PECAM1: variants seen among roughly 807,000 people sequenced by gnomAD.
PECAM1 encodes platelet and endothelial cell adhesion molecule 1, also known as platelet endothelial cell adhesion molecule.
Under a neutral mutation model 13.8 loss-of-function variants are expected in PECAM1, and 8 were observed. That is an observed-to-expected ratio of 0.58 (90% confidence interval 0.34 to 1.05). PECAM1 has a LOEUF of 1.05. Among genes scored for constraint, PECAM1 ranks in the 50% least tolerant of loss-of-function variants. The pLI is 0.03. For missense variants in PECAM1, 304 were observed against 141.2 expected (o/e 2.15, Z -5.84); for synonymous variants, 136 against 52.6 (o/e 2.58, Z -6.86).
intron 2 of PECAM1, among the ~76,000 whole-genome samples, chr17:64,384,647 T>C (rs1455766183): frequency 6.6e-6 from 1 of 152,150 alleles, no homozygotes; most frequent in East Asian, 1.9e-4. Context: ...TGGAAGCAGA[T>C]TCCCCAGACT....
chr17:64,387,820 A>G (rs1309619654), intron 2 of PECAM1, among the ~76,000 whole-genome samples: 4 of 152,106 alleles, frequency 2.6e-5, no homozygotes, highest in Admixed American at 1.3e-4. Flanking sequence ...CTGGAGGGGA[A>G]CAAAGAGGCC....
Position 64,321,752 on chromosome 17 carries a change from C to A in PECAM1, c.*2064G>T, listed in dbSNP as rs1471664556. The A allele has an allele frequency of 1.6e-6, 2 of 1,265,452 alleles. No homozygotes were observed. The highest frequency in any genetic ancestry group is 1.5e-5 in the African/African-American group (1 of 66,006). 78.4% of individuals were successfully genotyped at this position (1,265,452 alleles called of 1,614,324 possible). On this transcript the variant is annotated 3_prime_UTR_variant, in exon 16 of 16. Coordinates refer to ENST00000563924, the MANE Select transcript of PECAM1 (RefSeq NM_000442.5). ...CTCCAGCCTGGGCAACAGAGCAAGC[C>A]CCTGTCTCAACAAAACAAAACAAAA...
rs1005002991 is a variant in PECAM1 at position 64,389,823 on chromosome 17, G to A, written c.91+666C>T. ...AGCACTTTGGGAGGTGGAGGCCAGC[G>A]GATCACCTGAGGTCAGGAGTTTGAG... On this transcript the variant is annotated intron_variant, in intron 2 of 15. Coordinates refer to ENST00000563924, the MANE Select transcript of PECAM1 (RefSeq NM_000442.5). 8.5e-5 allele frequency among the ~76,000 whole-genome samples: 13 copies of A among 152,226 alleles called. No homozygotes were observed. The East Asian group carries it at 1.5e-3, about 18-fold the overall frequency.
intron 10 of PECAM1, 107 bp downstream of exon 10, chr17:64,353,384 C>A: frequency 2.4e-6 from 1 of 411,808 alleles, no homozygotes; most frequent in South Asian, 1.3e-4. Context: ...CTATATTTTT[C>A]TAAGTTTGCC....
At chr17:64,328,714 T>C (rs1382460777) in intron 15 of PECAM1, among the ~76,000 whole-genome samples, 1 of 152,228 alleles carries the variant, frequency 6.6e-6, no homozygotes, top group African/African-American at 2.4e-5. Flanking sequence ...AGGGGCCCAC[T>C]GGAAGAGCTA....
intron 12 of PECAM1, 23 bp downstream of exon 12, chr17:64,350,357 A>G: frequency 2.4e-6 from 1 of 413,308 alleles, no homozygotes; most frequent in South Asian, 1.3e-4. Context: ...GGTTCTAATA[A>G]AAACATGTAA....
Position 64,377,925 on chromosome 17 carries a change from A to G in PECAM1, c.284T>C (p.Phe95Ser). The G allele has an allele frequency of 2.1e-6, 1 of 475,358 alleles. No individual in the cohort carries two copies. The highest frequency in any genetic ancestry group is 3.1e-5 in the East Asian group (1 of 32,038). 29.4% of individuals were successfully genotyped at this position (475,358 alleles called of 1,614,324 possible). A position where few individuals can be genotyped will look rare whatever the true frequency, so the allele number is the denominator to read the frequency against. Residue 95 changes from phenylalanine to serine, a missense_variant, in exon 3 of 16, where the codon TTT (phenylalanine) becomes TCT (serine). Coordinates refer to ENST00000563924, the MANE Select transcript of PECAM1 (RefSeq NM_000442.5). ...GTCATAGATCCGGACTTCAGGAATAAAATAACTCTCTGTGCTCTTCATGGA... is the reference window on the plus strand; with the variant it reads ...GTCATAGATCCGGACTTCAGGAATAGAATAACTCTCTGTGCTCTTCATGGA... Reference protein sequence around the residue: ...ISSMKSTESYFIPEVRIYDSG... With the variant: ...ISSMKSTESYSIPEVRIYDSG...
intron 14 of PECAM1, among the ~76,000 whole-genome samples, chr17:64,337,312 T>A (rs2035305890): frequency 6.6e-6 from 1 of 152,100 alleles, no homozygotes; most frequent in Non-Finnish European, 1.5e-5. Flanking sequence ...GGTGGTGCTG[T>A]GGGAGGGTCC....
Position 64,322,059 on chromosome 17 carries a change from A to T in PECAM1, c.*1757T>A. On this transcript the variant is annotated 3_prime_UTR_variant, in exon 16 of 16. Coordinates refer to ENST00000563924, the MANE Select transcript of PECAM1 (RefSeq NM_000442.5). The stretch of plus-strand genomic sequence containing the variant: ...GTGTGTGTTGGGGAAAGGAACCAAC[A>T]GCTTTCATCATATTGTCAAAAGAGT... The T allele has an allele frequency of 8.7e-7, 1 of 1,151,014 alleles. No homozygotes were observed. The highest frequency in any genetic ancestry group is 1.1e-6 in the Non-Finnish European group (1 of 914,682). 71.3% of individuals were successfully genotyped at this position (1,151,014 alleles called of 1,614,324 possible).
At chr17:64,326,117 G>T (rs533633557) in intron 15 of PECAM1, among the ~76,000 whole-genome samples, 1 of 152,162 alleles carries the variant, frequency 6.6e-6, no homozygotes, top group Non-Finnish European at 1.5e-5. Context: ...AGCCCTTGGA[G>T]GGAAAAAGAG....
chr17:64,325,178 G>C (rs1018556418), intron 15 of PECAM1, among the ~76,000 whole-genome samples: 4 of 150,948 alleles, frequency 2.6e-5, no homozygotes, highest in African/African-American at 9.8e-5. Flanking sequence ...CATGAGGTCA[G>C]GAGTTCAAGA....
At chr17:64,372,973 G>C (rs924463064) in intron 4 of PECAM1, among the ~76,000 whole-genome samples, 4 of 151,208 alleles carry the variant, frequency 2.6e-5, no homozygotes, top group Non-Finnish European at 4.4e-5. Context: ...AATTAGCCAG[G>C]CGTGGTGGCA....
intron 3 of PECAM1, chr17:64,377,613 AAAGAAAGG>A (rs1467211996): frequency 1.0e-5 from 1 of 95,968 alleles, no homozygotes; most frequent in Non-Finnish European, 1.7e-5. Context: ...TCCATCAAAG[AAAGAAAGG>A]AAGGAAGGAA....
intron 15 of PECAM1, among the ~76,000 whole-genome samples, chr17:64,327,088 TC>T: frequency 6.6e-6 from 1 of 152,316 alleles, no homozygotes; most frequent in Non-Finnish European, 1.5e-5. Context: ...AAGTGGGAAG[TC>T]AAGTGTTAAT....
intron 10 of PECAM1, among the ~76,000 whole-genome samples, chr17:64,352,812 G>A (rs1309097671): frequency 1.3e-5 from 2 of 151,920 alleles, no homozygotes; most frequent in African/African-American, 4.8e-5. Context: ...GCACCACCAC[G>A]CCCGGCTAAT....
chr17:64,360,784 A>C (rs1364736920), intron 6 of PECAM1, among the ~76,000 whole-genome samples: 1 of 150,248 alleles, frequency 6.7e-6, no homozygotes, highest in Non-Finnish European at 1.5e-5. Context: ...CACAGAAAAC[A>C]TAGAAAAAGT....
chr17:64,363,216 C>A lies in PECAM1; in HGVS notation c.1149G>T (p.Thr383=), dbSNP rs890407884. ...TKIASKSDSG[T]YICTAGIDKV... Reference sequence around the variant, plus strand: ...TGTCAATACCTGCAGTGCAGATATACGTCCCACTGTCCGACTTTGAGGCTA... The same window carrying A: ...TGTCAATACCTGCAGTGCAGATATAAGTCCCACTGTCCGACTTTGAGGCTA... The change falls in exon 6 of 16, where the codon ACG becomes ACT. Residue 383 remains threonine, a synonymous_variant. Transcript: ENST00000563924. 2.1e-6 allele frequency: 1 copy of A among 475,398 alleles called. No homozygotes were observed. Among genetic ancestry groups the A allele is most frequent in the Non-Finnish European group, 3.9e-6 (1 of 259,072 alleles). The allele number at this position is 475,398 out of a possible 1,614,324, so 29.4% of individuals were successfully genotyped here. A position where few individuals can be genotyped will look rare whatever the true frequency, so the allele number is the denominator to read the frequency against.
intron 14 of PECAM1, among the ~76,000 whole-genome samples, chr17:64,331,097 G>A (rs1460143468): frequency 6.6e-6 from 1 of 152,152 alleles, no homozygotes; most frequent in African/African-American, 2.4e-5. Flanking sequence ...CTCAACAGAG[G>A]AGGAGGCAGA....
At chr17:64,385,989 C>T (rs1189038924) in intron 2 of PECAM1, among the ~76,000 whole-genome samples, 1 of 152,192 alleles carries the variant, frequency 6.6e-6, no homozygotes. Flanking sequence ...AGGGGTGTGA[C>T]AGCACCCAAG....
Sources: allele counts gnomAD v4.1 joint callset (sites outside exome capture counted in the v4.1 genomes callset), GRCh38; gene constraint gnomAD v4.1.1; transcripts MANE v1.5; gene names NCBI Gene and HGNC (gene_info 2026-07-23, HGNC 2026-07-21).